GPM6A: variants seen among roughly 807,000 people sequenced by gnomAD.
GPM6A encodes the protein glycoprotein M6A, also known as neuronal membrane glycoprotein M6-a.
In GPM6A, 7 loss-of-function variants were observed where a neutral mutation model predicts 32.1. That is an observed-to-expected ratio of 0.22 (90% CI 0.12 to 0.41). The LOEUF (loss-of-function observed/expected upper bound fraction) is 0.41. Ranked by LOEUF, GPM6A falls within the 10% of genes least tolerant of loss-of-function variation. The pLI is 1.00. For synonymous variants in GPM6A, 130 were observed against 123.4 expected, an observed-to-expected ratio of 1.05 and a Z score of -0.35; for missense variants, 235 against 347.2, an observed-to-expected ratio of 0.68 and a Z score of 2.57.
chr4:175,765,578 T>C (rs1389666559), intron 1 of GPM6A, among the ~76,000 whole-genome samples: 1 of 152,184 alleles, frequency 6.6e-6, no homozygotes, highest in Non-Finnish European at 1.5e-5. Flanking sequence ...TAATAAATAA[T>C]TGTTAACTAT....
intron 1 of GPM6A, among the ~76,000 whole-genome samples, chr4:175,984,023 TCA>T (rs138248018): frequency 8.0e-5 from 12 of 150,144 alleles, no homozygotes; most frequent in East Asian, 7.8e-4. Flanking sequence ...TCTCTCTCTG[TCA>T]CACACACACA....
chr4:175,691,987 C>T (rs185756151), intron 2 of GPM6A, among the ~76,000 whole-genome samples: 5 of 152,290 alleles, frequency 3.3e-5, no homozygotes, highest in Admixed American at 6.5e-5. Flanking sequence ...AGCAAGAGTA[C>T]GGCTTCTTCC....
At chr4:175,790,264 G>A (rs1042439780) in intron 1 of GPM6A, 2 of 152,064 alleles carry the variant, frequency 1.3e-5, no homozygotes, top group African/African-American at 4.8e-5. Flanking sequence ...CGACCACTAT[G>A]GTTGTCATGC....
chr4:175,944,121 G>T (rs1327055636), intron 1 of GPM6A, among the ~76,000 whole-genome samples: 1 of 152,136 alleles, frequency 6.6e-6, no homozygotes, highest in African/African-American at 2.4e-5. Flanking sequence ...GCAATGTTCA[G>T]AAATTTAACC....
rs188246890 is a variant in GPM6A at position 175,796,161 on chromosome 4, T to A, written c.37+16030A>T. On this transcript the variant is annotated intron_variant, in intron 1 of 6. Transcript: ENST00000393658. ...CAAAAGCTTTATAATGTAGTCTGCCTTGCACAGTGACACTTAGAAGAATGG... is the reference window on the plus strand; with the variant it reads ...CAAAAGCTTTATAATGTAGTCTGCCATGCACAGTGACACTTAGAAGAATGG... Among the ~76,000 whole-genome samples the A allele has an allele frequency of 1.4e-3, 207 of 152,306 alleles. No individual in the cohort carries two copies. In the Middle Eastern group the frequency reaches 0.014, roughly 10 times the overall value.
At chr4:175,753,165 T>C (rs1417478091) in intron 1 of GPM6A, among the ~76,000 whole-genome samples, 1 of 152,164 alleles carries the variant, frequency 6.6e-6, no homozygotes, top group Non-Finnish European at 1.5e-5. Context: ...TGATGTTCCA[T>C]GTTCGATATA....
chr4:175,886,266 A>G (rs1737452349), intron 1 of GPM6A, among the ~76,000 whole-genome samples: 1 of 152,204 alleles, frequency 6.6e-6, no homozygotes, highest in Non-Finnish European at 1.5e-5. Flanking sequence ...AACTAAAGAA[A>G]AAATTCACAG....
At chr4:175,724,512 TC>T (rs1393305251) in intron 1 of GPM6A, among the ~76,000 whole-genome samples, 1 of 152,152 alleles carries the variant, frequency 6.6e-6, no homozygotes, top group African/African-American at 2.4e-5. Flanking sequence ...GCCATTGCAC[TC>T]CAGCCTGGAG....
chr4:175,931,848 G>T (rs1158022515), intron 1 of GPM6A, among the ~76,000 whole-genome samples: 1 of 151,976 alleles, frequency 6.6e-6, no homozygotes, highest in African/African-American at 2.4e-5. Flanking sequence ...ATTTTGGGAG[G>T]CCAAGATGGG....
intron 4 of GPM6A, among the ~76,000 whole-genome samples, chr4:175,648,249 T>C (rs138409800): frequency 1.6e-3 from 246 of 152,226 alleles, no homozygotes; most frequent in African/African-American, 5.7e-3. Context: ...CACAAAGAAA[T>C]GGATGTGTAT....
chr4:175,835,746 T>G (rs1338527287), intron 1 of GPM6A, among the ~76,000 whole-genome samples: 1 of 147,472 alleles, frequency 6.8e-6, no homozygotes, highest in Non-Finnish European at 1.5e-5. Context: ...TATATTATTT[T>G]TTCAAATAAT....
chr4:175,647,870 A>C (rs1204894092), intron 4 of GPM6A, among the ~76,000 whole-genome samples: 4 of 152,158 alleles, frequency 2.6e-5, no homozygotes, highest in African/African-American at 9.7e-5. Context: ...CTGGAGGGCA[A>C]ATAAATGCTA....
At chr4:175,862,610 C>T (rs1289125024) in intron 1 of GPM6A, among the ~76,000 whole-genome samples, 2 of 152,136 alleles carry the variant, frequency 1.3e-5, no homozygotes, top group African/African-American at 4.8e-5. Context: ...CAAGTACTTT[C>T]GTAAACAATA....
chr4:175,858,398 G>C (rs936419356), intron 1 of GPM6A, among the ~76,000 whole-genome samples: 1 of 151,990 alleles, frequency 6.6e-6, no homozygotes, highest in Non-Finnish European at 1.5e-5. Flanking sequence ...TGGGTGTGGT[G>C]GTGGGTGCCT....
intron 1 of GPM6A, among the ~76,000 whole-genome samples, chr4:175,774,014 A>G (rs934246093): frequency 6.6e-6 from 1 of 152,164 alleles, no homozygotes; most frequent in African/African-American, 2.4e-5. Flanking sequence ...CATAAAACCC[A>G]GTTCTATCAA....
intron 3 of GPM6A, among the ~76,000 whole-genome samples, chr4:175,662,658 G>C (rs1742497014): frequency 6.6e-6 from 1 of 151,726 alleles, no homozygotes; most frequent in Non-Finnish European, 1.5e-5. Flanking sequence ...TAAATATTTA[G>C]GTTATTAGGT....
At chr4:175,682,977 G>A (rs1743772072) in intron 2 of GPM6A, among the ~76,000 whole-genome samples, 1 of 152,164 alleles carries the variant, frequency 6.6e-6, no homozygotes, top group Admixed American at 6.5e-5. Flanking sequence ...TGAGAAGTGG[G>A]TCACTGATCT....
At chr4:175,709,781 C>T (rs1464372295) in intron 1 of GPM6A, among the ~76,000 whole-genome samples, 1 of 150,512 alleles carries the variant, frequency 6.6e-6, no homozygotes, top group Non-Finnish European at 1.5e-5. Flanking sequence ...TTTTATTTTT[C>T]AATAAGTCTA....
intron 1 of GPM6A, among the ~76,000 whole-genome samples, chr4:175,807,963 G>A (rs1734762492): frequency 6.6e-6 from 1 of 152,174 alleles, no homozygotes; most frequent in African/African-American, 2.4e-5. Flanking sequence ...TACCACTTAA[G>A]GTTATTGTGA....
Sources: allele counts gnomAD v4.1 joint callset (sites outside exome capture counted in the v4.1 genomes callset), GRCh38; gene constraint gnomAD v4.1.1; transcripts MANE v1.5; gene names NCBI Gene and HGNC (gene_info 2026-07-23, HGNC 2026-07-21).